The following SCIN variants were observed in gnomAD, a reference collection of about 807,000 sequenced individuals.
The protein encoded by SCIN is adseverin.
Under a neutral mutation model 91.8 loss-of-function variants are expected in SCIN, and 91 were observed. That is an observed-to-expected ratio of 0.99 (90% confidence interval 0.84 to 1.18). SCIN has a LOEUF of 1.18. SCIN is among the 50% of genes most tolerant of loss of function. The probability of loss-of-function intolerance (pLI) is 0.00; values close to 1 mark genes in which losing one functional copy is unlikely to be tolerated. For missense variants in SCIN, 1,087 were observed against 863.9 expected (o/e 1.26, Z -3.24); for synonymous variants, 367 against 312.6 (o/e 1.17, Z -1.84).
chr7:12,616,423 A>T (rs1400908739), intron 4 of SCIN, among the ~76,000 whole-genome samples: 1 of 152,146 alleles, frequency 6.6e-6, no homozygotes, highest in East Asian at 1.9e-4. Context: ...TTTCTTCCTT[A>T]TACCATGAGA....
intron 4 of SCIN, among the ~76,000 whole-genome samples, chr7:12,607,464 A>C (rs567865417): frequency 1.3e-5 from 2 of 152,284 alleles, no homozygotes; most frequent in Admixed American, 6.5e-5. Flanking sequence ...AATTAAAATA[A>C]GAAAAAGCAA....
At chr7:12,585,051 T>G (rs1425663191) in intron 3 of SCIN, among the ~76,000 whole-genome samples, 1 of 152,162 alleles carries the variant, frequency 6.6e-6, no homozygotes, top group African/African-American at 2.4e-5. Context: ...TACCCTGTTC[T>G]CCTCACTATT....
At chr7:12,636,384 T>C (rs1023144639) in intron 10 of SCIN, among the ~76,000 whole-genome samples, 3 of 152,098 alleles carry the variant, frequency 2.0e-5, no homozygotes, top group African/African-American at 7.2e-5. Flanking sequence ...ATCTTCCCAA[T>C]AGAATCACAC....
chr7:12,605,274 C>T (rs903694763), intron 4 of SCIN, among the ~76,000 whole-genome samples: 7 of 152,116 alleles, frequency 4.6e-5, no homozygotes, highest in Non-Finnish European at 1.0e-4. Context: ...TGGTCCTGAT[C>T]CCCTGACCTT....
chr7:12,628,378 G>A (rs1783573764), intron 8 of SCIN, among the ~76,000 whole-genome samples: 1 of 152,198 alleles, frequency 6.6e-6, no homozygotes, highest in Admixed American at 6.5e-5. Flanking sequence ...GGAGGCTGGG[G>A]AGTCTAAGCT....
chr7:12,640,148 T>C (rs751638685), intron 10 of SCIN, among the ~76,000 whole-genome samples, 199 bp from the exon 11 acceptor site: 10 of 152,232 alleles, frequency 6.6e-5, no homozygotes, highest in Non-Finnish European at 1.2e-4. Context: ...GTGCCTGCGA[T>C]AACAAAAGAT....
intron 4 of SCIN, among the ~76,000 whole-genome samples, chr7:12,615,567 C>G (rs111723676): frequency 0.01 from 1,560 of 152,218 alleles, 29 homozygotes; most frequent in African/African-American, 0.036. Context: ...TACCCAGTAT[C>G]AGGTATTTCT....
Position 12,651,815 on chromosome 7 carries a change from C to A in SCIN, c.1960-26C>A. On this transcript the variant is annotated intron_variant, in intron 14 of 15. Coordinates refer to ENST00000297029, the MANE Select transcript of SCIN (RefSeq NM_001112706.3). This position sits in a 1 kb window ranked among gnomAD's most constrained non-coding sequence, Gnocchi z 5.9. ...CTGAGTCAACATCCCAGAAATCATACATATTGTTATTGTTTCATTTTTCAG... is the reference window on the plus strand; with the variant it reads ...CTGAGTCAACATCCCAGAAATCATAAATATTGTTATTGTTTCATTTTTCAG... The A allele has an allele frequency of 7.0e-7, 1 of 1,437,748 alleles. No homozygotes were observed. Among genetic ancestry groups the A allele is most frequent in the Non-Finnish European group, 9.7e-7 (1 of 1,035,790 alleles). 89.1% of individuals were successfully genotyped at this position (1,437,748 alleles called of 1,614,324 possible). A position where few individuals can be genotyped will look rare whatever the true frequency, so the allele number is the denominator to read the frequency against.
chr7:12,649,585 G>T, intron 14 of SCIN, 41 bp downstream of exon 14: 1 of 1,388,180 alleles, frequency 7.2e-7, no homozygotes, highest in South Asian at 1.2e-5. Context: ...ATGCATTTTT[G>T]GTTGGGAGAT....
At position 12,655,556 on chromosome 7, in the gene SCIN, T is replaced by A. The variant is rs563067513; in HGVS notation, c.*2841T>A. The A allele has an allele frequency of 2.6e-5, 4 of 152,322 alleles. No homozygotes were observed. The East Asian group carries it at 5.8e-4, about 22-fold the overall frequency. The allele number at this position is 152,322 out of a possible 1,614,324, so 9.4% of individuals were successfully genotyped here. ...TAAATTCACAATAAAATAATCATAC[T>A]TTTATCTATCTACCAGATTAGCAAA... On this transcript the variant is annotated 3_prime_UTR_variant, in exon 16 of 16. Coordinates refer to ENST00000297029, the MANE Select transcript of SCIN (RefSeq NM_001112706.3).
chr7:12,572,631 C>A (rs1400382067), intron 1 of SCIN, among the ~76,000 whole-genome samples: 2 of 152,138 alleles, frequency 1.3e-5, no homozygotes, highest in African/African-American at 4.8e-5. Flanking sequence ...TCCAAGTTGT[C>A]CTCTTAACTA....
intron 4 of SCIN, among the ~76,000 whole-genome samples, chr7:12,612,834 A>G (rs1369675353): frequency 6.6e-6 from 1 of 152,200 alleles, no homozygotes; most frequent in African/African-American, 2.4e-5. Flanking sequence ...TGCTGCAAGA[A>G]AGTGATAACA....
intron 3 of SCIN, among the ~76,000 whole-genome samples, chr7:12,593,189 C>A (rs1471503039): frequency 1.3e-5 from 2 of 152,216 alleles, no homozygotes; most frequent in East Asian, 3.8e-4. Flanking sequence ...TAAAACAAGG[C>A]CCAGGAGGTT....
At chr7:12,607,471 G>GCAA (rs1181323096) in intron 4 of SCIN, among the ~76,000 whole-genome samples, 1 of 152,156 alleles carries the variant, frequency 6.6e-6, no homozygotes, top group Admixed American at 6.5e-5. Flanking sequence ...ATAAGAAAAA[G>GCAA]CAAATGAAGA....
At chr7:12,605,132 A>G (rs749025012) in intron 4 of SCIN, among the ~76,000 whole-genome samples, 42 of 151,934 alleles carry the variant, frequency 2.8e-4, no homozygotes, top group Non-Finnish European at 5.0e-4. Flanking sequence ...ACTCACTGCA[A>G]GCTCTGCCTC....
At chr7:12,582,245 C>G (rs1207414235) in intron 3 of SCIN, among the ~76,000 whole-genome samples, 3 of 152,082 alleles carry the variant, frequency 2.0e-5, no homozygotes, top group Non-Finnish European at 2.9e-5. Context: ...TCTACTTGGG[C>G]AGTATTTTGG....
chr7:12,581,332 G>A (rs1019509964), intron 3 of SCIN, 111 bp downstream of exon 3: 2 of 1,092,994 alleles, frequency 1.8e-6, no homozygotes, highest in African/African-American at 3.2e-5. Context: ...CCAGAAAGGG[G>A]CCACGTTTAT....
rs1784230642 is a variant in SCIN, at chr7:12,659,903, A to G, written c.*7188A>G. The G allele has an allele frequency of 6.4e-6, 1 of 156,564 alleles. No individual in the cohort carries two copies. The highest frequency in any genetic ancestry group is 2.0e-4 in the South Asian group (1 of 4,884). 9.7% of individuals were successfully genotyped at this position (156,564 alleles called of 1,614,324 possible). On this transcript the variant is annotated 3_prime_UTR_variant, in exon 16 of 16. Coordinates refer to ENST00000297029, the MANE Select transcript of SCIN (RefSeq NM_001112706.3). The stretch of plus-strand genomic sequence containing the variant: ...AAAGAAGTGAAAATTACCTTAACTG[A>G]TGACATTCCACCATTGTGATGTGTT...
intron 3 of SCIN, among the ~76,000 whole-genome samples, chr7:12,583,232 C>G (rs1443745917): frequency 6.6e-6 from 1 of 152,124 alleles, no homozygotes; most frequent in African/African-American, 2.4e-5. Flanking sequence ...TTGGGCAACT[C>G]ATTAATGTCT....
Sources: gnomAD v4.1 joint callset for allele counts (sites outside exome capture counted in the v4.1 genomes callset) on GRCh38, gnomAD v4.1.1 for gene constraint, Gnocchi (gnomAD v3.1) non-coding constraint, MANE v1.5 for transcripts, NCBI Gene and HGNC (gene_info 2026-07-23, HGNC 2026-07-21) for gene names.